Variants in NRG3 observed in about 807,000 individuals in gnomAD.
NRG3 encodes pro-neuregulin-3, membrane-bound isoform.
Under a neutral mutation model 66.9 loss-of-function variants are expected in NRG3, and 31 were observed. That is an observed-to-expected ratio of 0.46 (90% CI 0.35 to 0.63). The LOEUF (loss-of-function observed/expected upper bound fraction) is 0.63. Among genes scored for constraint, NRG3 ranks in the 20% least tolerant of loss-of-function variants. The probability of loss-of-function intolerance (pLI) is 0.00; values close to 1 mark genes in which losing one functional copy is unlikely to be tolerated. For synonymous variants in NRG3, 393 were observed against 359.4 expected, an observed-to-expected ratio of 1.09 and a Z score of -1.06; for missense variants, 910 against 878.9, an observed-to-expected ratio of 1.04 and a Z score of -0.45.
chr10:82,381,390 T>C (rs986485550), intron 2 of NRG3, among the ~76,000 whole-genome samples: 1 of 152,198 alleles, frequency 6.6e-6, no homozygotes, highest in African/African-American at 2.4e-5. Context: ...TGAATGCTTA[T>C]TTAATCCTTA....
intron 2 of NRG3, among the ~76,000 whole-genome samples, chr10:82,534,900 C>A (rs1008592690): frequency 6.6e-6 from 1 of 151,726 alleles, no homozygotes; most frequent in Non-Finnish European, 1.5e-5. Context: ...CAGTGGCTCA[C>A]ACCTGTAATC....
chr10:82,367,905 G>A (rs1188748513), intron 2 of NRG3, among the ~76,000 whole-genome samples: 1 of 152,138 alleles, frequency 6.6e-6, no homozygotes, highest in South Asian at 2.1e-4. Flanking sequence ...TGAGGCACAA[G>A]AGTCACTTGA....
chr10:82,941,938 A>G (rs1285667931), intron 4 of NRG3, among the ~76,000 whole-genome samples: 1 of 152,128 alleles, frequency 6.6e-6, no homozygotes, highest in Non-Finnish European at 1.5e-5. Context: ...TGATTTGCAT[A>G]TCTTGAGTAT....
intron 1 of NRG3, among the ~76,000 whole-genome samples, chr10:82,012,068 C>T (rs537254280): frequency 5.9e-5 from 9 of 152,306 alleles, no homozygotes; most frequent in Admixed American, 3.3e-4. Flanking sequence ...AGAGGTTCTC[C>T]GTGAGGGCCT....
chr10:82,121,836 CTG>C (rs1288523601), intron 1 of NRG3, among the ~76,000 whole-genome samples: 1 of 152,034 alleles, frequency 6.6e-6, no homozygotes, highest in East Asian at 1.9e-4. Context: ...TGGTGTCTCA[CTG>C]TGTTGCACAG....
At chr10:82,811,884 C>T (rs956609489) in intron 3 of NRG3, among the ~76,000 whole-genome samples, 1 of 152,178 alleles carries the variant, frequency 6.6e-6, no homozygotes, top group African/African-American at 2.4e-5. Context: ...AGGGAAGAAA[C>T]CATGATAGTT....
intron 2 of NRG3, among the ~76,000 whole-genome samples, chr10:82,705,336 T>C (rs2056207238): frequency 6.6e-6 from 1 of 152,190 alleles, no homozygotes; most frequent in South Asian, 2.1e-4. Context: ...CTAACACTGC[T>C]GGTCCTTAAA....
chr10:82,356,586 G>T (rs779422260), intron 1 of NRG3, among the ~76,000 whole-genome samples: 13 of 152,126 alleles, frequency 8.5e-5, no homozygotes, highest in Non-Finnish European at 1.6e-4. Flanking sequence ...TGTGTGTTTT[G>T]CAGAGCCTTT....
chr10:81,917,120 A>T (rs1845787082), intron 1 of NRG3, among the ~76,000 whole-genome samples: 1 of 152,214 alleles, frequency 6.6e-6, no homozygotes, highest in South Asian at 2.1e-4. Context: ...TATCTGTATG[A>T]ATGGAGAAGC....
intron 2 of NRG3, among the ~76,000 whole-genome samples, chr10:82,710,563 G>C (rs2134388132): frequency 8.0e-6 from 1 of 125,440 alleles, no homozygotes; most frequent in Admixed American, 9.6e-5. Context: ...TCCAGCCTGG[G>C]CGACAAGAGC....
At chr10:82,867,755 G>A (rs922088191) in intron 4 of NRG3, among the ~76,000 whole-genome samples, 1 of 152,172 alleles carries the variant, frequency 6.6e-6, no homozygotes, top group Non-Finnish European at 1.5e-5. Context: ...GCCAAGTGGA[G>A]GGTATAACTG....
intron 2 of NRG3, among the ~76,000 whole-genome samples, chr10:82,447,525 T>C (rs2090796662): frequency 6.6e-6 from 1 of 152,250 alleles, no homozygotes; most frequent in Non-Finnish European, 1.5e-5. Flanking sequence ...TAAATGTTGC[T>C]TTTCTAAGTC....
intron 1 of NRG3, among the ~76,000 whole-genome samples, chr10:82,028,481 G>T (rs915036448): frequency 6.6e-6 from 1 of 152,052 alleles, no homozygotes; most frequent in African/African-American, 2.4e-5. Context: ...TTGCCATCCT[G>T]TTGAGCCAGG....
chr10:82,289,018 C>A (rs890626972), intron 1 of NRG3, among the ~76,000 whole-genome samples: 7 of 152,168 alleles, frequency 4.6e-5, no homozygotes, highest in Non-Finnish European at 1.0e-4. Context: ...GAAGTGCTGC[C>A]ACTTCCATCC....
chr10:82,972,087 C>T (rs982802787), intron 6 of NRG3, among the ~76,000 whole-genome samples: 20 of 152,106 alleles, frequency 1.3e-4, no homozygotes, highest in African/African-American at 4.8e-4. Context: ...ACACTTATTC[C>T]TGTCACATTT....
At chr10:82,201,873 T>A (rs1026890212) in intron 1 of NRG3, among the ~76,000 whole-genome samples, 7 of 152,166 alleles carry the variant, frequency 4.6e-5, no homozygotes, top group Admixed American at 1.3e-4. Context: ...GTGTCTAGTA[T>A]GTAAGAAATT....
intron 1 of NRG3, among the ~76,000 whole-genome samples, chr10:82,213,078 G>A (rs1833789730): frequency 6.6e-6 from 1 of 152,148 alleles, no homozygotes; most frequent in Admixed American, 6.6e-5. Flanking sequence ...GCTTAGTGAA[G>A]CTAGAACATA....
At chr10:82,933,894 A>G (rs956027224) in intron 4 of NRG3, among the ~76,000 whole-genome samples, 2 of 152,216 alleles carry the variant, frequency 1.3e-5, no homozygotes, top group African/African-American at 4.8e-5. Context: ...GAGATGTGGT[A>G]AGGCCAACTG....
At chr10:82,524,215 C>A (rs1241865367) in intron 2 of NRG3, among the ~76,000 whole-genome samples, 1 of 151,980 alleles carries the variant, frequency 6.6e-6, no homozygotes, top group Non-Finnish European at 1.5e-5. Flanking sequence ...CATCTAATAG[C>A]AATTTCAGAA....
Sources: allele counts gnomAD v4.1 joint callset (sites outside exome capture counted in the v4.1 genomes callset), GRCh38; gene constraint gnomAD v4.1.1; transcripts MANE v1.5; gene names NCBI Gene and HGNC (gene_info 2026-07-23, HGNC 2026-07-21).